GMDS: variants seen among roughly 807,000 people sequenced by gnomAD.
GMDS encodes GDP-mannose 4,6 dehydratase.
In GMDS, 20 loss-of-function variants were observed where a neutral mutation model predicts 49.9. The ratio of observed to expected loss-of-function variants is 0.40; its 90% CI spans 0.28 to 0.58. The LOEUF (loss-of-function observed/expected upper bound fraction) is 0.58, where lower values mean the gene tolerates loss of function less well. GMDS is among the 20% of genes least tolerant of loss of function. The probability of loss-of-function intolerance (pLI) is 0.42; values close to 1 mark genes in which losing one functional copy is unlikely to be tolerated. For missense variants in GMDS, 362 were observed against 481.4 expected (o/e 0.75, Z 2.32); for synonymous variants, 177 against 178.6 (o/e 0.99, Z 0.07).
Position 1,914,416 on chromosome 6 carries a change from G to A in GMDS, c.771+15687C>T, listed in dbSNP as rs576556732. Among the ~76,000 whole-genome samples, 47 of 148,710 alleles carry A rather than the reference G, an allele frequency of 3.2e-4. No homozygotes were observed. In the South Asian group the frequency reaches 5.7e-3, roughly 18 times the overall value. On this transcript the variant is annotated intron_variant, in intron 7 of 10. Transcript: ENST00000380815. ...CAGGAGGTGGAGCTTAAAGTGAGCC[G>A]AGATCGCACCACTGCACTCCAGCCT...
intron 1 of GMDS, 72 bp downstream of exon 1, chr6:2,245,249 G>T: frequency 9.5e-7 from 1 of 1,047,818 alleles, no homozygotes; most frequent in Non-Finnish European, 1.4e-6. Context: ...CGCAGCCCAC[G>T]AGTAGCGGCG....
At chr6:1,839,439 AAATT>A (rs1757061053) in intron 7 of GMDS, among the ~76,000 whole-genome samples, 1 of 152,228 alleles carries the variant, frequency 6.6e-6, no homozygotes, top group Non-Finnish European at 1.5e-5. Flanking sequence ...GTTAGCTGTC[AAATT>A]TATTTCCCTT....
chr6:1,673,840 G>C (rs1764504542), intron 9 of GMDS, among the ~76,000 whole-genome samples: 1 of 151,688 alleles, frequency 6.6e-6, no homozygotes, highest in Non-Finnish European at 1.5e-5. Flanking sequence ...ATACATTTAA[G>C]GTTCCTCCAT....
chr6:2,069,197 G>C lies in GMDS; in HGVS notation c.345+46574C>G, dbSNP rs1371285709. On this transcript the variant is annotated intron_variant, in intron 4 of 10. Transcript: ENST00000380815. ...TTCCCTATTTAATAAATGGTGCTGG[G>C]AAAACTGGCTAGCCCTATGTAGAAA... Among the ~76,000 whole-genome samples the C allele has an allele frequency of 2.6e-5, 4 of 152,168 alleles. No homozygotes were observed. The East Asian group carries it at 7.7e-4, about 29-fold the overall frequency.
chr6:1,752,502 C>T (rs1010920741), intron 7 of GMDS, among the ~76,000 whole-genome samples: 3 of 152,144 alleles, frequency 2.0e-5, no homozygotes, highest in Admixed American at 1.3e-4. Flanking sequence ...TCTAGCAAGA[C>T]AGGCGAACAT....
At chr6:1,956,629 G>C (rs950901729) in intron 6 of GMDS, among the ~76,000 whole-genome samples, 1 of 151,974 alleles carries the variant, frequency 6.6e-6, no homozygotes, top group East Asian at 1.9e-4. Flanking sequence ...AGAAAAAAAA[G>C]GGTTTGTTCC....
chr6:1,970,668 T>G (rs952136853), intron 4 of GMDS, among the ~76,000 whole-genome samples: 4 of 152,030 alleles, frequency 2.6e-5, no homozygotes, highest in African/African-American at 9.7e-5. Flanking sequence ...CCACAGGGAT[T>G]AAGAAAGGCA....
intron 1 of GMDS, among the ~76,000 whole-genome samples, chr6:2,126,602 T>C (rs1303665275): frequency 6.6e-6 from 1 of 152,126 alleles, no homozygotes; most frequent in African/African-American, 2.4e-5. Flanking sequence ...AGGGACACAT[T>C]CTGTGGTTCA....
intron 1 of GMDS, among the ~76,000 whole-genome samples, chr6:2,149,881 T>C (rs1459586733): frequency 6.6e-6 from 1 of 152,190 alleles, no homozygotes; most frequent in Non-Finnish European, 1.5e-5. Flanking sequence ...CAAGGTTTTT[T>C]GCTTGGGAGC....
chr6:1,698,787 CTTT>C (rs10641587), intron 9 of GMDS, among the ~76,000 whole-genome samples: 7 of 133,062 alleles, frequency 5.3e-5, no homozygotes, highest in Admixed American at 1.5e-4. Context: ...CCTGGTTTCC[CTTT>C]TTTTTTTTTT....
chr6:1,692,107 G>T (rs1457811844), intron 9 of GMDS, among the ~76,000 whole-genome samples: 1 of 152,208 alleles, frequency 6.6e-6, no homozygotes, highest in Non-Finnish European at 1.5e-5. Context: ...TTCCTCCCAT[G>T]CTAGATGCTT....
At chr6:1,919,685 A>G (rs1337760399) in intron 7 of GMDS, among the ~76,000 whole-genome samples, 1 of 152,232 alleles carries the variant, frequency 6.6e-6, no homozygotes, top group Non-Finnish European at 1.5e-5. Flanking sequence ...ATGGCTTTTG[A>G]ATATTCTTCA....
intron 9 of GMDS, among the ~76,000 whole-genome samples, chr6:1,722,378 C>T (rs553508040): frequency 5.3e-5 from 8 of 151,960 alleles, no homozygotes; most frequent in South Asian, 2.1e-4. Context: ...TGAGCCACCG[C>T]GCCCGGCCAA....
intron 7 of GMDS, among the ~76,000 whole-genome samples, chr6:1,827,264 TACATGTTTTGGAAAACATGTATATACAC>T (rs1164167627): frequency 1.3e-5 from 2 of 151,894 alleles, no homozygotes; most frequent in African/African-American, 2.4e-5. Context: ...TATGTATAAA[TACATGTTTTGGAAAACATGTATATACAC>T]ACATGTTTTG....
At chr6:1,977,032 A>G (rs1282567503) in intron 4 of GMDS, among the ~76,000 whole-genome samples, 1 of 152,208 alleles carries the variant, frequency 6.6e-6, no homozygotes, top group African/African-American at 2.4e-5. Flanking sequence ...TGATGCCTGT[A>G]CCTATGGTAC....
At chr6:2,077,310 G>A (rs1772402319) in intron 4 of GMDS, among the ~76,000 whole-genome samples, 1 of 151,978 alleles carries the variant, frequency 6.6e-6, no homozygotes, top group Non-Finnish European at 1.5e-5. Flanking sequence ...AGGATTTCCA[G>A]TGCCATGTAG....
chr6:2,016,982 A>T (rs1453746855), intron 4 of GMDS, among the ~76,000 whole-genome samples: 1 of 152,138 alleles, frequency 6.6e-6, no homozygotes, highest in Non-Finnish European at 1.5e-5. Flanking sequence ...TCTAAATTTC[A>T]TCTTGAGAAG....
chr6:2,086,725 G>A (rs910005541), intron 4 of GMDS, among the ~76,000 whole-genome samples: 2 of 152,212 alleles, frequency 1.3e-5, no homozygotes, highest in Non-Finnish European at 1.5e-5. Context: ...GCTACGTGCT[G>A]GCAGAGAATA....
intron 9 of GMDS, among the ~76,000 whole-genome samples, chr6:1,629,449 A>C (rs12196349): frequency 0.42 from 64,397 of 151,820 alleles, 14,063 homozygotes; most frequent in South Asian, 0.67. Flanking sequence ...GACTGTCCGT[A>C]GGCAGAGCTC....
Sources: allele counts gnomAD v4.1 joint callset (sites outside exome capture counted in the v4.1 genomes callset), GRCh38; gene constraint gnomAD v4.1.1; transcripts MANE v1.5; gene names NCBI Gene and HGNC (gene_info 2026-07-23, HGNC 2026-07-21).